Variants in RBFOX1 observed in about 807,000 individuals in gnomAD.
The protein encoded by RBFOX1 is RNA binding protein fox-1 homolog 1.
Under a neutral mutation model 57.7 loss-of-function variants are expected in RBFOX1, and 8 were observed. The ratio of observed to expected loss-of-function variants is 0.14; its 90% CI spans 0.08 to 0.25. RBFOX1 has a LOEUF of 0.25. RBFOX1 is among the 10% of genes least tolerant of loss of function. The probability of loss-of-function intolerance (pLI) is 1.00; values close to 1 mark genes in which losing one functional copy is unlikely to be tolerated. For synonymous variants in RBFOX1, 326 were observed against 222.4 expected (o/e 1.47, Z -4.15); for missense variants, 611 against 548.5 (o/e 1.11, Z -1.14).
chr16:7,634,001 G>T (rs933010716), intron 11 of RBFOX1, among the ~76,000 whole-genome samples: 1 of 151,832 alleles, frequency 6.6e-6, no homozygotes, highest in African/African-American at 2.4e-5. Flanking sequence ...AGGCCTGTGC[G>T]CACACACACA....
At position 7,518,310 on chromosome 16, in the gene RBFOX1, A is replaced by T. The variant is rs753108920; in HGVS notation, c.191A>T (p.Asn64Ile). The part of the protein sequence containing the change: ...GQTTVPEHTL[N>I]LYPPAQTHSE... ...ACCACGGTTCCCGAGCACACATTAA[A>T]CCTGTACCCTCCCGCCCAGACGCAC... is the stretch of plus-strand genomic sequence containing the variant. Residue 64 changes from asparagine to isoleucine, a missense_variant, in exon 5 of 16, where the codon AAC (asparagine) becomes ATC (isoleucine). Coordinates refer to ENST00000550418, the MANE Select transcript of RBFOX1 (RefSeq NM_018723.4). 1.9e-6 allele frequency: 3 copies of T among 1,613,856 alleles called. No homozygotes were observed. The highest frequency in any genetic ancestry group is 2.5e-6 in the Non-Finnish European group (3 of 1,179,944).
chr16:6,386,626 T>C (rs2092300557), intron 2 of RBFOX1, among the ~76,000 whole-genome samples: 1 of 152,174 alleles, frequency 6.6e-6, no homozygotes, highest in South Asian at 2.1e-4. Flanking sequence ...AAAGAAACCA[T>C]TGCGTCCCAA....
chr16:7,048,594 A>T (rs1258261001), intron 3 of RBFOX1, among the ~76,000 whole-genome samples: 1 of 152,086 alleles, frequency 6.6e-6, no homozygotes, highest in Non-Finnish European at 1.5e-5. Flanking sequence ...TTTCTTTGCT[A>T]ATGCTGTCAA....
At chr16:6,164,789 G>C (rs921886849) in intron 1 of RBFOX1, among the ~76,000 whole-genome samples, 11 of 152,126 alleles carry the variant, frequency 7.2e-5, no homozygotes, top group African/African-American at 2.7e-4. Flanking sequence ...TATTTTAATT[G>C]CCTGTAAACA....
At chr16:6,212,113 C>T (rs1240355763) in intron 1 of RBFOX1, among the ~76,000 whole-genome samples, 1 of 152,092 alleles carries the variant, frequency 6.6e-6, no homozygotes, top group Non-Finnish European at 1.5e-5. Context: ...CAACCTCGGC[C>T]TCCCAATGTG....
intron 2 of RBFOX1, among the ~76,000 whole-genome samples, chr16:5,563,213 T>G (rs1411216183): frequency 6.6e-6 from 1 of 152,200 alleles, no homozygotes; most frequent in Non-Finnish European, 1.5e-5. Context: ...CCTCCCAAAG[T>G]GTTGGGATTA....
chr16:6,139,172 G>A lies in RBFOX1; in HGVS notation c.-127+119180G>A, dbSNP rs543946551. 2.6e-5 allele frequency among the ~76,000 whole-genome samples: 4 copies of A among 152,170 alleles called. No individual in the cohort carries two copies. In the South Asian group the frequency reaches 6.2e-4, roughly 24 times the overall value. Reference sequence around the variant, plus strand: ...AATTAAAGCTTTCTGTGTTCAGCAGGGACCATGGTCCTGAGGACTGAATCC... The same window carrying A: ...AATTAAAGCTTTCTGTGTTCAGCAGAGACCATGGTCCTGAGGACTGAATCC... On this transcript the variant is annotated intron_variant, in intron 1 of 15. Transcript: ENST00000550418.
intron 4 of RBFOX1, among the ~76,000 whole-genome samples, chr16:5,972,986 G>T (rs967334621): frequency 6.6e-6 from 1 of 152,338 alleles, no homozygotes; most frequent in Admixed American, 6.5e-5. Context: ...TACAGAAAGT[G>T]TGAGAATGGA....
At chr16:5,682,826 G>A (rs1596735694) in intron 3 of RBFOX1, among the ~76,000 whole-genome samples, 1 of 152,268 alleles carries the variant, frequency 6.6e-6, no homozygotes, top group East Asian at 1.9e-4. Flanking sequence ...TCTGATATGT[G>A]AAATGTATTG....
chr16:6,826,889 A>G (rs12932929), intron 3 of RBFOX1, among the ~76,000 whole-genome samples: 20,745 of 152,164 alleles, frequency 0.14, 1,557 homozygotes, highest in Non-Finnish European at 0.16. Flanking sequence ...TGAATAAGAA[A>G]TTTTCCGAAT....
At chr16:6,092,701 G>A (rs890569725) in intron 1 of RBFOX1, 1 of 152,082 alleles carries the variant, frequency 6.6e-6, no homozygotes, top group African/African-American at 2.4e-5. Flanking sequence ...ATGGTTATTG[G>A]TGTGTGGCAT....
intron 3 of RBFOX1, among the ~76,000 whole-genome samples, chr16:5,847,860 A>T (rs939878462): frequency 3.9e-5 from 6 of 152,084 alleles, no homozygotes; most frequent in African/African-American, 1.2e-4. Context: ...CAACACCCAG[A>T]CTATGTTAGT....
rs147144070 is a variant in RBFOX1, at chr16:7,552,050, A to G, written c.271-27727A>G. ...GCAGGTATTTTTACCCCTCCCCACAATTGTATAAGGAGATTTTCATTGTCA... is the reference window on the plus strand; with the variant it reads ...GCAGGTATTTTTACCCCTCCCCACAGTTGTATAAGGAGATTTTCATTGTCA... On this transcript the variant is annotated intron_variant, in intron 5 of 15. Transcript: ENST00000550418. Among the ~76,000 whole-genome samples, 4 of 152,232 alleles carry G rather than the reference A, an allele frequency of 2.6e-5. No individual in the cohort carries two copies. In the East Asian group the frequency reaches 7.7e-4, roughly 29 times the overall value.
intron 1 of RBFOX1, among the ~76,000 whole-genome samples, chr16:6,116,936 C>G (rs935433924): frequency 6.6e-6 from 1 of 152,094 alleles, no homozygotes; most frequent in African/African-American, 2.4e-5. Context: ...GGAGGCTCTA[C>G]AGTAAAGGTA....
At chr16:7,704,094 G>C (rs1263652340) in intron 14 of RBFOX1, among the ~76,000 whole-genome samples, 1 of 152,144 alleles carries the variant, frequency 6.6e-6, no homozygotes, top group African/African-American at 2.4e-5. Context: ...AGGAAGATGA[G>C]GCTCAGAGAG....
At chr16:7,233,433 C>A (rs1274031948) in intron 4 of RBFOX1, among the ~76,000 whole-genome samples, 1 of 152,158 alleles carries the variant, frequency 6.6e-6, no homozygotes, top group Non-Finnish European at 1.5e-5. Flanking sequence ...TGCTCTTTCT[C>A]TTATTCATGA....
chr16:7,705,738 A>C (rs1260550938), intron 14 of RBFOX1, among the ~76,000 whole-genome samples: 1 of 152,164 alleles, frequency 6.6e-6, no homozygotes, highest in Non-Finnish European at 1.5e-5. Flanking sequence ...TGCTGGTTTG[A>C]AGGAGCAAGA....
At chr16:5,402,945 A>G (rs1217408830) in intron 1 of RBFOX1, among the ~76,000 whole-genome samples, 1 of 152,222 alleles carries the variant, frequency 6.6e-6, no homozygotes, top group Non-Finnish European at 1.5e-5. Flanking sequence ...GCATTTATCA[A>G]CCTTTTGGAA....
intron 11 of RBFOX1, among the ~76,000 whole-genome samples, chr16:7,640,969 G>A (rs564468766): frequency 6.6e-5 from 10 of 151,440 alleles, no homozygotes; most frequent in African/African-American, 2.2e-4. Context: ...AGGGGCCAAC[G>A]GCAAGATCTT....
Sources: allele counts gnomAD v4.1 joint callset (sites outside exome capture counted in the v4.1 genomes callset), GRCh38; gene constraint gnomAD v4.1.1; transcripts MANE v1.5; gene names NCBI Gene and HGNC (gene_info 2026-07-23, HGNC 2026-07-21).